The following RTL4 variants were observed in gnomAD, a reference collection of about 807,000 sequenced individuals.
RTL4 encodes retrotransposon Gag-like protein 4.
A neutral mutation model predicts 5.3 loss-of-function variants in RTL4; 4 were observed. The ratio of observed to expected loss-of-function variants is 0.75; its 90% CI spans 0.37 to 1.72. The LOEUF (loss-of-function observed/expected upper bound fraction) is 1.72, where lower values mean the gene tolerates loss of function less well. Among genes scored for constraint, RTL4 ranks in the 40% most tolerant of loss-of-function variants. The probability of loss-of-function intolerance (pLI) is 0.04; values close to 1 mark genes in which losing one functional copy is unlikely to be tolerated. For synonymous variants in RTL4, 98 were observed against 87.3 expected (o/e 1.12, Z -0.68); for missense variants, 260 against 227.1 (o/e 1.14, Z -0.93).
chrX:112,341,330 G>A, the RTL4 span, among the ~76,000 whole-genome samples: 1 of 111,943 alleles, frequency 8.9e-6, no homozygotes, highest in South Asian at 3.7e-4. Context: ...CCCCTAAGAT[G>A]TTAGAGCACC....
the RTL4 span, among the ~76,000 whole-genome samples, chrX:112,210,525 G>A: frequency 8.9e-6 from 1 of 112,219 alleles, no homozygotes; most frequent in Non-Finnish European, 1.9e-5. Flanking sequence ...TGAGTTTCTT[G>A]TACATTAGCA....
the RTL4 span, among the ~76,000 whole-genome samples, chrX:112,301,526 G>A: frequency 1.8e-5 from 2 of 110,988 alleles, no homozygotes; most frequent in South Asian, 7.7e-4. Flanking sequence ...CATGTGCAAG[G>A]GATTCATAAT....
At chrX:112,310,407 TATA>T in the RTL4 span, among the ~76,000 whole-genome samples, 10 of 21,790 alleles carry the variant, frequency 4.6e-4, no homozygotes, top group East Asian at 0.02. Flanking sequence ...TATATATATA[TATA>T]TATATTTAAT....
At chrX:112,242,902 G>A in the RTL4 span, among the ~76,000 whole-genome samples, 1 of 111,492 alleles carries the variant, frequency 9.0e-6, no homozygotes, top group Non-Finnish European at 1.9e-5. Context: ...CAACATGAAG[G>A]GCTGTTGAAT....
the RTL4 span, among the ~76,000 whole-genome samples, chrX:112,105,411 A>G: frequency 1.8e-5 from 2 of 111,132 alleles, no homozygotes; most frequent in Non-Finnish European, 3.8e-5. Context: ...ATTATTTGTT[A>G]TATTTCTGTG....
the RTL4 span, among the ~76,000 whole-genome samples, chrX:112,429,539 T>A: frequency 9.0e-6 from 1 of 111,210 alleles, no homozygotes; most frequent in East Asian, 2.8e-4. Context: ...ATAAGCAAAT[T>A]TATGTTGCCA....
chrX:112,266,874 C>T, the RTL4 span, among the ~76,000 whole-genome samples: 3 of 111,041 alleles, frequency 2.7e-5, no homozygotes, highest in African/African-American at 9.8e-5. Flanking sequence ...TATTTCTACC[C>T]ATCTACCTGT....
chrX:112,402,396 A>G, the RTL4 span, among the ~76,000 whole-genome samples: 9 of 80,143 alleles, frequency 1.1e-4, no homozygotes, highest in Non-Finnish European at 1.7e-4. Context: ...TTGCGGAATT[A>G]TTATTGTGTG....
At chrX:112,455,759 C>T in exon 1 of RTL4, 1 of 813,982 alleles carries the variant, frequency 1.2e-6, no homozygotes, top group African/African-American at 2.1e-5. Context: ...ACTGTGACAC[C>T]ACTTTATAGG....
At chrX:112,236,446 TATATA>T in the RTL4 span, among the ~76,000 whole-genome samples, 7 of 78,724 alleles carry the variant, frequency 8.9e-5, no homozygotes, top group Non-Finnish European at 6.9e-5. Flanking sequence ...TCTATATCTA[TATATA>T]GATATAGATC....
the RTL4 span, among the ~76,000 whole-genome samples, chrX:112,409,468 C>G: frequency 1.2e-4 from 13 of 110,838 alleles, no homozygotes; most frequent in Non-Finnish European, 5.7e-5. Context: ...CGCGTGTAAT[C>G]CCCAGCACTT....
the RTL4 span, among the ~76,000 whole-genome samples, chrX:112,314,638 T>C: frequency 9.2e-6 from 1 of 109,096 alleles, no homozygotes; most frequent in Non-Finnish European, 1.9e-5. Context: ...ATGATATAAT[T>C]AGCTTGCAAT....
chrX:112,150,164 T>A, the RTL4 span, among the ~76,000 whole-genome samples: 2 of 111,220 alleles, frequency 1.8e-5, no homozygotes, highest in African/African-American at 6.6e-5. Flanking sequence ...GGAAGGGGAA[T>A]GCTAGCCTGT....
the RTL4 span, among the ~76,000 whole-genome samples, chrX:112,420,562 C>T: frequency 5.4e-5 from 6 of 111,425 alleles, no homozygotes; most frequent in Non-Finnish European, 1.1e-4. Flanking sequence ...CTGGCTCTGC[C>T]ACTTAGGTCC....
chrX:112,164,336 T>A, the RTL4 span, among the ~76,000 whole-genome samples: 1 of 112,302 alleles, frequency 8.9e-6, no homozygotes, highest in Admixed American at 9.4e-5. Context: ...TAGTTTCGCC[T>A]TAGCTGTCCT....
At chrX:112,246,808 G>C in the RTL4 span, among the ~76,000 whole-genome samples, 1 of 111,338 alleles carries the variant, frequency 9.0e-6, no homozygotes, top group South Asian at 3.8e-4. Context: ...CATTGATCAC[G>C]CTGGGAGCTG....
chrX:112,400,940 A>G, the RTL4 span, among the ~76,000 whole-genome samples: 1 of 111,364 alleles, frequency 9.0e-6, no homozygotes, highest in South Asian at 3.8e-4. Flanking sequence ...GAGATGATCA[A>G]AATTGACTCA....
At chrX:112,169,011 T>TC in the RTL4 span, among the ~76,000 whole-genome samples, 3 of 95,981 alleles carry the variant, frequency 3.1e-5, no homozygotes, top group Non-Finnish European at 4.1e-5. Flanking sequence ...TTCCTTTCTT[T>TC]CTTTCTTTCT....
At chrX:112,259,120 T>C in the RTL4 span, among the ~76,000 whole-genome samples, 2 of 111,719 alleles carry the variant, frequency 1.8e-5, no homozygotes, top group Non-Finnish European at 3.8e-5. Context: ...ATGTTTATTT[T>C]CCAGCATGTT....
Sources: gnomAD v4.1 joint callset for allele counts (sites outside exome capture counted in the v4.1 genomes callset) on GRCh38, gnomAD v4.1.1 for gene constraint, MANE v1.5 for transcripts, NCBI Gene and HGNC (gene_info 2026-07-23, HGNC 2026-07-21) for gene names.